The following EMP2 variants were observed in gnomAD, a reference collection of about 807,000 sequenced individuals.
The protein encoded by EMP2 is epithelial membrane protein 2.
A neutral mutation model predicts 13.7 loss-of-function variants in EMP2; 19 were observed. The observed-to-expected ratio is 1.38, with a 90% confidence interval of 0.97 to 2.03. The LOEUF (loss-of-function observed/expected upper bound fraction) is 2.03. EMP2 is among the 30% of genes most tolerant of loss of function. The pLI is 0.00. For synonymous variants in EMP2, 97 were observed against 84.7 expected, an observed-to-expected ratio of 1.15 and a Z score of -0.80; for missense variants, 253 against 220.7, an observed-to-expected ratio of 1.15 and a Z score of -0.93.
intron 1 of EMP2, among the ~76,000 whole-genome samples, chr16:10,547,990 C>T (rs938921111): frequency 4.6e-5 from 7 of 152,040 alleles, no homozygotes; most frequent in African/African-American, 1.4e-4. Context: ...GCCATAATTG[C>T]GCCACTGCAC....
rs554981322 is a variant in EMP2, at chr16:10,580,366, G to C, written c.-61+183C>G. Among the ~76,000 whole-genome samples, 1 of 152,324 alleles carries C rather than the reference G, an allele frequency of 6.6e-6. No homozygotes were observed. Among genetic ancestry groups the C allele is most frequent in the South Asian group, 2.1e-4 (1 of 4,822 alleles). ...CGAAGTGGAATTCTGGGGCCGGAGCGAGCGTGGCGCAGACCAGAGGTCGGC... is the reference window on the plus strand; with the variant it reads ...CGAAGTGGAATTCTGGGGCCGGAGCCAGCGTGGCGCAGACCAGAGGTCGGC... On this transcript the variant is annotated intron_variant, in intron 1 of 4. Coordinates refer to ENST00000359543, the MANE Select transcript of EMP2 (RefSeq NM_001424.6). The surrounding 1 kb of genome is among the most constrained non-coding windows in gnomAD (Gnocchi z 4.3).
At chr16:10,551,560 C>A (rs1338560093) in intron 1 of EMP2, among the ~76,000 whole-genome samples, 1 of 152,178 alleles carries the variant, frequency 6.6e-6, no homozygotes, top group East Asian at 1.9e-4. Flanking sequence ...GCACGTGCTA[C>A]TACGCCTGGC....
intron 1 of EMP2, among the ~76,000 whole-genome samples, chr16:10,578,408 TG>T (rs1211311404): frequency 6.6e-6 from 1 of 152,198 alleles, no homozygotes; most frequent in East Asian, 1.9e-4. Context: ...GTGCCATTAC[TG>T]GGGTGAGGGT....
At chr16:10,533,433 T>C (rs951949266) in intron 4 of EMP2, among the ~76,000 whole-genome samples, 14 of 152,212 alleles carry the variant, frequency 9.2e-5, no homozygotes, top group Non-Finnish European at 1.5e-4. Flanking sequence ...CCTGTAGCTA[T>C]TTTGCTTCCC....
intron 1 of EMP2, among the ~76,000 whole-genome samples, chr16:10,555,521 C>T (rs1218108335): frequency 6.6e-6 from 1 of 151,992 alleles, no homozygotes; most frequent in Admixed American, 6.6e-5. Context: ...GATAACAGAA[C>T]CAAAAGGTAT....
chr16:10,561,612 G>C (rs750392297), intron 1 of EMP2, among the ~76,000 whole-genome samples: 3 of 152,174 alleles, frequency 2.0e-5, no homozygotes, highest in African/African-American at 7.2e-5. Context: ...ACAGTTTTAG[G>C]GAAGTGAACT....
At chr16:10,536,335 T>C (rs567340494) in intron 4 of EMP2, among the ~76,000 whole-genome samples, 86 of 152,258 alleles carry the variant, frequency 5.6e-4, no homozygotes, top group African/African-American at 2.1e-3. Context: ...ATGGTTTGGC[T>C]GTGTCCCCAC....
Position 10,580,242 on chromosome 16 carries a change from G to A in EMP2, c.-61+307C>T, listed in dbSNP as rs1013739304. 9.2e-5 allele frequency among the ~76,000 whole-genome samples: 14 copies of A among 152,190 alleles called. No homozygotes were observed. The highest frequency in any genetic ancestry group is 1.9e-4 in the African/African-American group (8 of 41,470). On this transcript the variant is annotated intron_variant, in intron 1 of 4. Coordinates refer to ENST00000359543, the MANE Select transcript of EMP2 (RefSeq NM_001424.6). This position sits in a 1 kb window ranked among gnomAD's most constrained non-coding sequence, Gnocchi z 4.3. ...ATCTCCCTGGACTCCAAGAGCCCCG[G>A]GTGTAAGTCCGGCGGGGCGAGGGGA...
intron 1 of EMP2, among the ~76,000 whole-genome samples, chr16:10,578,621 G>C (rs1054929941): frequency 1.3e-5 from 2 of 152,144 alleles, no homozygotes; most frequent in Non-Finnish European, 2.9e-5. Flanking sequence ...GCCTGGCCCT[G>C]CCCTCACCCA....
In EMP2 at chr16:10,532,745, T is replaced by TTTTTCTTTTTTA. The variant is rs1278658126; in HGVS notation, c.*159_*160insTAAAAAAGAAAA. The TTTTTCTTTTTTA allele has an allele frequency of 3.6e-6, 1 of 276,140 alleles. No individual in the cohort carries two copies. The highest frequency in any genetic ancestry group is 5.3e-6 in the Non-Finnish European group (1 of 188,882). The allele number at this position is 276,140 out of a possible 1,614,324, so 17.1% of individuals were successfully genotyped here. A position where few individuals can be genotyped will look rare whatever the true frequency, so the allele number is the denominator to read the frequency against. ...AAAACTCTTCTCTCTTTTGGATTTT[T>TTTTTCTTTTTTA]TTTTTCTTTTTTCTTTTTTTTTTTT... On this transcript the variant is annotated 3_prime_UTR_variant, in exon 5 of 5. Transcript: ENST00000359543.
At chr16:10,570,666 G>C (rs1199720878) in intron 1 of EMP2, among the ~76,000 whole-genome samples, 2 of 152,166 alleles carry the variant, frequency 1.3e-5, no homozygotes, top group African/African-American at 4.8e-5. Context: ...CCAAAGTGCT[G>C]GGATTACAGG....
chr16:10,553,889 G>T (rs2050807742), intron 1 of EMP2, among the ~76,000 whole-genome samples: 1 of 152,196 alleles, frequency 6.6e-6, no homozygotes, highest in Non-Finnish European at 1.5e-5. Flanking sequence ...AATAGTGAAG[G>T]CGTTGAAGCA....
At chr16:10,540,361 C>T (rs58530112) in intron 3 of EMP2, among the ~76,000 whole-genome samples, 19,087 of 152,004 alleles carry the variant, frequency 0.13, 1,472 homozygotes, top group African/African-American at 0.21. Flanking sequence ...CAAAAATTAG[C>T]TGGGTGTGGT....
intron 1 of EMP2, among the ~76,000 whole-genome samples, chr16:10,561,253 C>A (rs1057255299): frequency 7.9e-5 from 12 of 152,108 alleles, no homozygotes; most frequent in African/African-American, 2.9e-4. Context: ...ATGAGGGAAA[C>A]AGTTCATTTG....
At chr16:10,540,497 C>A (rs1263041551) in intron 3 of EMP2, among the ~76,000 whole-genome samples, 2 of 103,220 alleles carry the variant, frequency 1.9e-5, no homozygotes, top group East Asian at 4.8e-4. Flanking sequence ...CAGAGCGAGA[C>A]TCTGTCTCAA....
rs769286820 is a variant in EMP2 at position 10,538,048 on chromosome 16, C to T, written c.196G>A (p.Ala66Thr). 6.8e-5 allele frequency: 109 copies of T among 1,613,812 alleles called. No individual in the cohort carries two copies. The highest frequency in any genetic ancestry group is 9.1e-5 in the Non-Finnish European group (107 of 1,179,980). ...QEYSTLQAVQ[A>T]TMILSTILCC... ...AGAATGGTGGAGAGGATCATGGTGG[C>T]CTGGACCGCCTGCAGCGTGGAGTAC... The change falls in exon 4 of 5, where the codon GCC (alanine) becomes ACC (threonine). Residue 66 changes from alanine (A) to threonine (T), a missense_variant. Ala to Thr is a moderately conservative substitution (Grantham distance 58). Coordinates refer to ENST00000359543, the MANE Select transcript of EMP2 (RefSeq NM_001424.6).
intron 1 of EMP2, among the ~76,000 whole-genome samples, chr16:10,571,935 C>A (rs1242559491): frequency 6.6e-6 from 1 of 152,210 alleles, no homozygotes; most frequent in Non-Finnish European, 1.5e-5. Context: ...CTCTCCTGGG[C>A]TCTAGGCCCT....
At chr16:10,567,388 C>T (rs1407145894) in intron 1 of EMP2, among the ~76,000 whole-genome samples, 1 of 152,218 alleles carries the variant, frequency 6.6e-6, no homozygotes, top group Non-Finnish European at 1.5e-5. Flanking sequence ...GCCCCATGGC[C>T]TCCAGCTCTC....
chr16:10,574,894 C>T (rs887330528), intron 1 of EMP2, among the ~76,000 whole-genome samples: 1 of 152,116 alleles, frequency 6.6e-6, no homozygotes, highest in Non-Finnish European at 1.5e-5. Flanking sequence ...TTCACTCTGT[C>T]TCCCAGGCTG....
Sources: allele counts gnomAD v4.1 joint callset (sites outside exome capture counted in the v4.1 genomes callset), GRCh38; gene constraint gnomAD v4.1.1; non-coding constraint Gnocchi (gnomAD v3.1); transcripts MANE v1.5; gene names NCBI Gene and HGNC (gene_info 2026-07-23, HGNC 2026-07-21).